Variants in RGS7 observed in about 807,000 individuals in gnomAD.
The protein encoded by RGS7 is regulator of G protein signaling 7, also known as regulator of G-protein signaling 7.
A neutral mutation model predicts 81.1 loss-of-function variants in RGS7; 27 were observed. The observed-to-expected ratio is 0.33, with a 90% CI of 0.25 to 0.46. RGS7 has a LOEUF of 0.46. Ranked by LOEUF, RGS7 falls within the 20% of genes least tolerant of loss-of-function variation. RGS7 has a pLI of 1.00. For missense variants in RGS7, 396 were observed against 607.4 expected, an observed-to-expected ratio of 0.65 and a Z score of 3.66; for synonymous variants, 208 against 207.7, an observed-to-expected ratio of 1.00 and a Z score of -0.01.
chr1:240,966,466 C>T (rs771764328), intron 4 of RGS7, among the ~76,000 whole-genome samples: 2 of 151,832 alleles, frequency 1.3e-5, no homozygotes, highest in African/African-American at 2.4e-5. Flanking sequence ...ATGATTTGTA[C>T]GAATTCTTGT....
At chr1:241,045,958 C>A (rs530479058) in intron 3 of RGS7, among the ~76,000 whole-genome samples, 138 of 152,228 alleles carry the variant, frequency 9.1e-4, no homozygotes, top group African/African-American at 3.0e-3. Flanking sequence ...CAGCTTCACA[C>A]AATTGAAGGT....
At chr1:241,241,741 C>T (rs10926436) in intron 2 of RGS7, among the ~76,000 whole-genome samples, 20,153 of 152,116 alleles carry the variant, frequency 0.13, 1,478 homozygotes, top group East Asian at 0.21. Flanking sequence ...CACATGTATA[C>T]ATGTGTCTGT....
intron 2 of RGS7, among the ~76,000 whole-genome samples, chr1:241,232,282 G>C (rs2075710169): frequency 6.6e-6 from 1 of 151,902 alleles, no homozygotes. Context: ...GGACTCCTGG[G>C]CTTAAGTGAT....
chr1:240,905,163 G>A (rs979878038), intron 6 of RGS7, among the ~76,000 whole-genome samples: 3 of 152,068 alleles, frequency 2.0e-5, no homozygotes, highest in Admixed American at 6.6e-5. Context: ...TGTTGCCACA[G>A]CACTATGTGT....
At chr1:241,026,624 C>T (rs2059801985) in intron 3 of RGS7, among the ~76,000 whole-genome samples, 1 of 152,002 alleles carries the variant, frequency 6.6e-6, no homozygotes, top group Admixed American at 6.6e-5. Flanking sequence ...GTTTATCTGC[C>T]AGGCACTACA....
intron 4 of RGS7, among the ~76,000 whole-genome samples, chr1:240,968,700 C>T (rs1005461481): frequency 3.3e-5 from 5 of 152,076 alleles, no homozygotes; most frequent in African/African-American, 1.2e-4. Context: ...ACAGCAGGAA[C>T]CTGTCTTGTG....
At chr1:241,180,885 T>A (rs994775406) in intron 2 of RGS7, among the ~76,000 whole-genome samples, 2 of 152,202 alleles carry the variant, frequency 1.3e-5, no homozygotes, top group Non-Finnish European at 2.9e-5. Context: ...TATTTCATCA[T>A]CTATAAATTG....
At position 241,158,645 on chromosome 1, in the gene RGS7, C is replaced by T. The variant is rs564283485; in HGVS notation, c.79-59883G>A. On this transcript the variant is annotated intron_variant, in intron 2 of 18. Transcript: ENST00000440928. ...AGAAGATATGCCAGCAATGATAATACTTGTGTTAGTGTGAAGGGTATTTTA... is the reference window on the plus strand; with the variant it reads ...AGAAGATATGCCAGCAATGATAATATTTGTGTTAGTGTGAAGGGTATTTTA... Among the ~76,000 whole-genome samples, 12 of 152,284 alleles carry T rather than the reference C, an allele frequency of 7.9e-5. No individual in the cohort carries two copies. The South Asian group carries it at 2.5e-3, about 32-fold the overall frequency.
intron 18 of RGS7, among the ~76,000 whole-genome samples, chr1:240,785,699 T>G (rs1391915904): frequency 6.6e-6 from 1 of 152,174 alleles, no homozygotes; most frequent in African/African-American, 2.4e-5. Context: ...GGTCACACCC[T>G]AAATGTTAAC....
chr1:240,776,105 T>G lies in RGS7; in HGVS notation c.*115A>C. ...TGTCCTCTGCTCCAGGTCACAACAT[T>G]GAGCTACAAAGTGTGTGCAGTGACT... On this transcript the variant is annotated 3_prime_UTR_variant, in exon 19 of 19. Coordinates refer to ENST00000440928, the MANE Select transcript of RGS7 (RefSeq NM_001364886.1). The G allele has an allele frequency of 1.2e-5, 15 of 1,271,240 alleles. No individual in the cohort carries two copies. Among genetic ancestry groups the G allele is most frequent in the Non-Finnish European group, 1.5e-5 (13 of 867,174 alleles). The allele number at this position is 1,271,240 out of a possible 1,614,324, so 78.7% of individuals were successfully genotyped here.
chr1:240,804,299 C>T (rs1688479993), intron 15 of RGS7, among the ~76,000 whole-genome samples: 1 of 152,060 alleles, frequency 6.6e-6, no homozygotes, highest in South Asian at 2.1e-4. Flanking sequence ...AAGTGCTTTC[C>T]TGTATTAGTT....
rs140049487 is a variant in RGS7 at position 240,933,171 on chromosome 1, C to T, written c.334-2403G>A. 8.4e-3 allele frequency among the ~76,000 whole-genome samples: 1,265 copies of T among 150,708 alleles called. 23 individuals are homozygous for T. Among genetic ancestry groups the T allele is most frequent in the African/African-American group, 0.028 (1,149 of 41,112 alleles). ...TGCTGGGATTACAGGTGTGAGCCAC[C>T]GCGCCCGGCCGGTGTTACTTTCTGA... On this transcript the variant is annotated intron_variant, in intron 5 of 18. Transcript: ENST00000440928.
intron 4 of RGS7, among the ~76,000 whole-genome samples, chr1:240,960,998 G>C (rs887843292): frequency 6.6e-6 from 1 of 151,916 alleles, no homozygotes; most frequent in African/African-American, 2.4e-5. Flanking sequence ...TATGAAAGTG[G>C]GATAAAAGGA....
At chr1:241,355,882 C>A in intron 1 of RGS7, 56 bp from the exon 2 acceptor site, 1 of 915,290 alleles carries the variant, frequency 1.1e-6, no homozygotes, top group Admixed American at 1.8e-5. Context: ...CCTGATTCAT[C>A]ATCATCATTC....
Position 241,323,888 on chromosome 1 carries a change from C to T in RGS7, c.78+31811G>A, listed in dbSNP as rs11583279. Among the ~76,000 whole-genome samples, 564 of 152,274 alleles carry T rather than the reference C, an allele frequency of 3.7e-3. 2 individuals are homozygous for T. The highest frequency in any genetic ancestry group is 6.0e-3 in the Non-Finnish European group (410 of 68,022). On this transcript the variant is annotated intron_variant, in intron 2 of 18. Transcript: ENST00000440928. Reference sequence around the variant, plus strand: ...ACTGATAGGCCCTGTGACAAAAAGGCCTAGGCAAATGGTAATTTTTAAAAG... The same window carrying T: ...ACTGATAGGCCCTGTGACAAAAAGGTCTAGGCAAATGGTAATTTTTAAAAG...
At chr1:241,116,000 G>A (rs371252422) in intron 2 of RGS7, among the ~76,000 whole-genome samples, 4 of 151,988 alleles carry the variant, frequency 2.6e-5, no homozygotes, top group South Asian at 2.1e-4. Flanking sequence ...CAACACTCTC[G>A]CTCTCTCTTG....
At chr1:241,145,105 C>T (rs200186892) in intron 2 of RGS7, among the ~76,000 whole-genome samples, 1 of 151,844 alleles carries the variant, frequency 6.6e-6, no homozygotes, top group South Asian at 2.1e-4. Context: ...CCACTTCCGC[C>T]TCCTCAGTTC....
At chr1:240,838,852 C>T (rs1454864134) in intron 9 of RGS7, among the ~76,000 whole-genome samples, 7 of 152,070 alleles carry the variant, frequency 4.6e-5, no homozygotes, top group South Asian at 2.1e-4. Context: ...CCGCAAGCTC[C>T]GCCTCCTAGG....
chr1:241,344,221 T>C (rs1461928985), intron 2 of RGS7, among the ~76,000 whole-genome samples: 1 of 152,226 alleles, frequency 6.6e-6, no homozygotes, highest in Non-Finnish European at 1.5e-5. Flanking sequence ...CACTCTTGTA[T>C]TCGTTTGAAC....
Sources: allele counts gnomAD v4.1 joint callset (sites outside exome capture counted in the v4.1 genomes callset), GRCh38; gene constraint gnomAD v4.1.1; transcripts MANE v1.5; gene names NCBI Gene and HGNC (gene_info 2026-07-23, HGNC 2026-07-21).